Variants in ZNF516 observed in about 807,000 individuals in gnomAD.
ZNF516 encodes the protein zinc finger protein 516.
Under a neutral mutation model 79.7 loss-of-function variants are expected in ZNF516, and 19 were observed. The ratio of observed to expected loss-of-function variants is 0.24; its 90% confidence interval spans 0.17 to 0.35. The LOEUF (loss-of-function observed/expected upper bound fraction) is 0.35, where lower values mean the gene tolerates loss of function less well. Among genes scored for constraint, ZNF516 ranks in the 10% least tolerant of loss-of-function variants. ZNF516 has a pLI of 1.00. For missense variants in ZNF516, 1,678 were observed against 1,679.5 expected (o/e 1.00, Z 0.02); for synonymous variants, 877 against 739.5 (o/e 1.19, Z -3.02).
chr18:76,384,543 C>A (rs2074951862), intron 3 of ZNF516, among the ~76,000 whole-genome samples: 1 of 146,010 alleles, frequency 6.8e-6, no homozygotes, highest in Non-Finnish European at 1.5e-5. Flanking sequence ...CCCCACGCCC[C>A]CTCTGTGGTT....
intron 3 of ZNF516, among the ~76,000 whole-genome samples, chr18:76,416,302 G>A (rs1485336140): frequency 1.3e-5 from 2 of 152,206 alleles, no homozygotes; most frequent in Non-Finnish European, 2.9e-5. Context: ...GAAGCGCCCT[G>A]GCCTTCACCA....
Position 76,357,915 on chromosome 18 carries a change from G to GTGTGCTGTGAAA in ZNF516, c.*4571_*4582dup, listed in dbSNP as rs2144822796. Among the ~76,000 whole-genome samples the GTGTGCTGTGAAA allele has an allele frequency of 6.6e-6, 1 of 152,052 alleles. No homozygotes were observed. Among genetic ancestry groups the GTGTGCTGTGAAA allele is most frequent in the South Asian group, 2.1e-4 (1 of 4,810 alleles). On this transcript the variant is annotated 3_prime_UTR_variant, in exon 7 of 7. Coordinates refer to ENST00000443185, the MANE Select transcript of ZNF516 (RefSeq NM_014643.4). ...GGTGTATTCAGTGGGGAAATAACAT[G>GTGTGCTGTGAAA]TGTGCTGTGAAAGAAAATGAGAAAA...
chr18:76,391,900 G>A (rs1211723193), intron 3 of ZNF516, among the ~76,000 whole-genome samples: 1 of 152,204 alleles, frequency 6.6e-6, no homozygotes, highest in African/African-American at 2.4e-5. Flanking sequence ...CCAGCAGGAG[G>A]AGGCCGGGCA....
chr18:76,488,740 CTAA>C (rs1914985642), intron 1 of ZNF516, among the ~76,000 whole-genome samples: 1 of 152,202 alleles, frequency 6.6e-6, no homozygotes, highest in Non-Finnish European at 1.5e-5. Flanking sequence ...AGTTCTATTA[CTAA>C]TAATTAAATC....
In ZNF516 at chr18:76,443,191, G is replaced by C. The variant is rs563934991; in HGVS notation, c.-137C>G. The C allele has an allele frequency of 1.4e-5, 18 of 1,263,324 alleles. No individual in the cohort carries two copies. Among genetic ancestry groups the C allele is most frequent in the Non-Finnish European group, 1.8e-5 (17 of 951,880 alleles). The allele number at this position is 1,263,324 out of a possible 1,614,324, so 78.3% of individuals were successfully genotyped here. A position where few individuals can be genotyped will look rare whatever the true frequency, so the allele number is the denominator to read the frequency against. On this transcript the variant is annotated 5_prime_UTR_variant, in exon 3 of 7. Transcript: ENST00000443185. ...GAGGTGCACCTTCTACATGGGGGGC[G>C]CAGCAGCTGGCAGCCAGCACCTGAA...
chr18:76,441,107 A>G (rs1964201213), intron 3 of ZNF516, 138 bp downstream of exon 3: 3 of 1,286,622 alleles, frequency 2.3e-6, no homozygotes, highest in African/African-American at 3.0e-5. Context: ...GGGTTACCTG[A>G]GCATAGGCCT....
chr18:76,405,664 C>T (rs574852837), intron 3 of ZNF516, among the ~76,000 whole-genome samples: 2 of 152,004 alleles, frequency 1.3e-5, no homozygotes, highest in Admixed American at 6.6e-5. Context: ...AACATTCATC[C>T]CTTCAGAGAC....
At chr18:76,486,758 T>G (rs1428357895) in intron 1 of ZNF516, among the ~76,000 whole-genome samples, 5 of 152,092 alleles carry the variant, frequency 3.3e-5, no homozygotes, top group African/African-American at 1.2e-4. Flanking sequence ...CATCCCATTT[T>G]CACCACTCAG....
At chr18:76,445,259 A>AG (rs1357121034) in intron 2 of ZNF516, among the ~76,000 whole-genome samples, 1 of 149,404 alleles carries the variant, frequency 6.7e-6, no homozygotes, top group African/African-American at 2.5e-5. Flanking sequence ...TCCATCTCCA[A>AG]AAAAAAAAAA....
At position 76,467,760 on chromosome 18, in the gene ZNF516, G is replaced by T. The variant is rs57916955; in HGVS notation, c.-271-4619C>A. Among the ~76,000 whole-genome samples the T allele has an allele frequency of 0.011, 1,605 of 152,354 alleles. 26 individuals carry two copies. The highest frequency in any genetic ancestry group is 0.037 in the African/African-American group (1,520 of 41,580). ...AGCAATTTCCTGCATTTGCAGGCAT[G>T]TTCAAACTGTAAGCCCGTTCGATTC... is the stretch of plus-strand genomic sequence containing the variant. On this transcript the variant is annotated intron_variant, in intron 1 of 6. Coordinates refer to ENST00000443185, the MANE Select transcript of ZNF516 (RefSeq NM_014643.4). The surrounding 1 kb of genome is among the most constrained non-coding windows in gnomAD (Gnocchi z 4.2).
chr18:76,371,700 T>TCC (rs2074710723), intron 4 of ZNF516, 129 bp from the exon 5 acceptor site: 1 of 709,434 alleles, frequency 1.4e-6, no homozygotes, highest in African/African-American at 1.8e-5. Flanking sequence ...CATGTGAGGC[T>TCC]CCCTTCAGGC....
At chr18:76,406,608 G>A (rs191292166) in intron 3 of ZNF516, among the ~76,000 whole-genome samples, 88 of 152,202 alleles carry the variant, frequency 5.8e-4, no homozygotes, top group African/African-American at 2.0e-3. Flanking sequence ...TAAAGCCAGC[G>A]ACAGCCGCGC....
Position 76,493,764 on chromosome 18 carries a change from C to A in ZNF516, c.-272+1380G>T, listed in dbSNP as rs1281233447. 3.9e-5 allele frequency: 6 copies of A among 152,236 alleles called. No homozygotes were observed. The highest frequency in any genetic ancestry group is 7.3e-5 in the Non-Finnish European group (5 of 68,048). The allele number at this position is 152,236 out of a possible 1,614,324, so 9.4% of individuals were successfully genotyped here. A position where few individuals can be genotyped will look rare whatever the true frequency, so the allele number is the denominator to read the frequency against. On this transcript the variant is annotated intron_variant, in intron 1 of 6. Coordinates refer to ENST00000443185, the MANE Select transcript of ZNF516 (RefSeq NM_014643.4). The surrounding 1 kb of genome is among the most constrained non-coding windows in gnomAD (Gnocchi z 5.2). Reference sequence around the variant, plus strand: ...TCTTTTCCACTTTATAAATGCTGATCTGTTCTGCCTCTACTCCCACAGGCT... The same window carrying A: ...TCTTTTCCACTTTATAAATGCTGATATGTTCTGCCTCTACTCCCACAGGCT...
intron 3 of ZNF516, among the ~76,000 whole-genome samples, chr18:76,400,525 T>A (rs1313806238): frequency 1.3e-5 from 2 of 152,196 alleles, no homozygotes; most frequent in African/African-American, 4.8e-5. Context: ...ATCGTTCTGA[T>A]GAATTCACAA....
At chr18:76,400,598 G>T (rs1031983277) in intron 3 of ZNF516, among the ~76,000 whole-genome samples, 3 of 152,222 alleles carry the variant, frequency 2.0e-5, no homozygotes, top group Non-Finnish European at 4.4e-5. Context: ...GCAGAGAGGG[G>T]TGACCAAATG....
chr18:76,491,437 C>T (rs2061600085), intron 1 of ZNF516, among the ~76,000 whole-genome samples: 1 of 143,356 alleles, frequency 7.0e-6, no homozygotes, highest in African/African-American at 2.5e-5. Context: ...GCCCCCCGGC[C>T]CGCACAGACC....
At chr18:76,430,226 G>C (rs1366455659) in intron 3 of ZNF516, among the ~76,000 whole-genome samples, 3 of 152,102 alleles carry the variant, frequency 2.0e-5, no homozygotes. Context: ...TGAAAAAGTA[G>C]AACCCAGTAA....
In ZNF516 at chr18:76,411,626, C is replaced by T. The variant is rs542953513; in HGVS notation, c.1810+29619G>A. ...ATGGAAGGATGTGTTGAAAACACCACAAAAAACTTCTGAAACACAAAAGCC... is the reference window on the plus strand; with the variant it reads ...ATGGAAGGATGTGTTGAAAACACCATAAAAAACTTCTGAAACACAAAAGCC... On this transcript the variant is annotated intron_variant, in intron 3 of 6. Transcript: ENST00000443185. 4.6e-5 allele frequency among the ~76,000 whole-genome samples: 7 copies of T among 152,266 alleles called. No individual in the cohort carries two copies. The South Asian group carries it at 1.2e-3, about 27-fold the overall frequency.
chr18:76,416,960 C>G (rs2075440366), intron 3 of ZNF516, among the ~76,000 whole-genome samples: 1 of 152,168 alleles, frequency 6.6e-6, no homozygotes, highest in Admixed American at 6.5e-5. Context: ...AAATATTTAG[C>G]TGTTCTCATG....
Sources: gnomAD v4.1 joint callset for allele counts (sites outside exome capture counted in the v4.1 genomes callset) on GRCh38, gnomAD v4.1.1 for gene constraint, Gnocchi (gnomAD v3.1) non-coding constraint, MANE v1.5 for transcripts, NCBI Gene and HGNC (gene_info 2026-07-23, HGNC 2026-07-21) for gene names.